LRRK2: variants seen among roughly 807,000 people sequenced by gnomAD.
LRRK2 encodes leucine rich repeat kinase 2.
LRRK2 carries 203 observed loss-of-function variants against 302.6 expected under a neutral mutation model. The ratio of observed to expected loss-of-function variants is 0.67; its 90% CI spans 0.60 to 0.75. The LOEUF is 0.75. Ranked by LOEUF, LRRK2 falls within the 30% of genes least tolerant of loss-of-function variation. LRRK2 has a pLI of 0.00. For synonymous variants in LRRK2, 1,066 were observed against 1,031.9 expected, an observed-to-expected ratio of 1.03 and a Z score of -0.63; for missense variants, 2,830 against 2,951.0, an observed-to-expected ratio of 0.96 and a Z score of 0.95.
intron 41 of LRRK2, among the ~76,000 whole-genome samples, chr12:40,341,122 A>G (rs1027777372): frequency 6.6e-6 from 1 of 152,200 alleles, no homozygotes; most frequent in Non-Finnish European, 1.5e-5. Flanking sequence ...TGCTCTGTAC[A>G]GACATGTTGT....
At chr12:40,349,668 G>A (rs1946296996) in intron 43 of LRRK2, among the ~76,000 whole-genome samples, 1 of 150,496 alleles carries the variant, frequency 6.6e-6, no homozygotes, top group Non-Finnish European at 1.5e-5. Flanking sequence ...TGTGCCACCA[G>A]ACCTGGTTAA....
At chr12:40,355,244 G>C (rs976206226) in intron 45 of LRRK2, among the ~76,000 whole-genome samples, 1 of 152,168 alleles carries the variant, frequency 6.6e-6, no homozygotes, top group African/African-American at 2.4e-5. Context: ...AATTTCAATG[G>C]ATGGAATTGG....
intron 38 of LRRK2, 39 bp from the exon 39 acceptor site, chr12:40,328,321 A>G (rs199888703): frequency 1.6e-4 from 243 of 1,523,868 alleles, no homozygotes; most frequent in Non-Finnish European, 2.1e-4. Context: ...TTTCGCTTGG[A>G]CAGCTTAATT....
chr12:40,340,236 C>G, intron 40 of LRRK2, 58 bp from the exon 41 acceptor site: 1 of 1,570,876 alleles, frequency 6.4e-7, no homozygotes, highest in African/African-American at 1.4e-5. Flanking sequence ...GAAATTAGGA[C>G]AAAAATTATT....
At chr12:40,230,508 A>G (rs11175658) in intron 2 of LRRK2, among the ~76,000 whole-genome samples, 14,678 of 152,192 alleles carry the variant, frequency 0.096, 783 homozygotes, top group South Asian at 0.14. Context: ...TTCTTATACA[A>G]TCTGGCTTAA....
intron 13 of LRRK2, among the ~76,000 whole-genome samples, chr12:40,261,595 T>A (rs1202669630): frequency 6.6e-6 from 1 of 152,156 alleles, no homozygotes; most frequent in Non-Finnish European, 1.5e-5. Flanking sequence ...CACCATACTG[T>A]ACTGTACCCA....
chr12:40,345,622 CAA>C (rs144415226), intron 41 of LRRK2, among the ~76,000 whole-genome samples: 15 of 67,504 alleles, frequency 2.2e-4, no homozygotes, highest in African/African-American at 8.2e-4. Context: ...GACTCCATCT[CAA>C]AAAAAAAAAA....
intron 2 of LRRK2, among the ~76,000 whole-genome samples, chr12:40,229,340 A>G (rs1158441745): frequency 6.6e-6 from 1 of 152,182 alleles, no homozygotes; most frequent in African/African-American, 2.4e-5. Context: ...TATTTAAAAT[A>G]AAGATTAAGG....
In LRRK2 at chr12:40,361,827, G is replaced by A. The variant is rs1946717541; in HGVS notation, c.7029-1575G>A. Among the ~76,000 whole-genome samples, 3 of 151,978 alleles carry A rather than the reference G, an allele frequency of 2.0e-5. No homozygotes were observed. In the South Asian group the frequency reaches 6.2e-4, roughly 32 times the overall value. On this transcript the variant is annotated intron_variant, in intron 47 of 50. Transcript: ENST00000298910. ...AAAACAGACATCACATCACTAATCA[G>A]GGGTTGCCTCATCATCAGTACCCTC...
At position 40,363,541 on chromosome 12, in the gene LRRK2, G is replaced by T. The variant is rs79546190; in HGVS notation, c.7168G>T (p.Val2390Leu). Reference sequence around the variant, plus strand: ...AAAACTCTGTGGACTAATAGACTGCGTGCACTTTTTAAGGTAAATTCTGTG... The same window carrying T: ...AAAACTCTGTGGACTAATAGACTGCTTGCACTTTTTAAGGTAAATTCTGTG... ...TEKLCGLIDCVHFLREVMVKE... is the reference protein window; with the variant it reads ...TEKLCGLIDCLHFLREVMVKE... Residue 2390 changes from valine to leucine, a missense_variant, in exon 48 of 51, where the codon GTG (valine) becomes TTG (leucine). Val to Leu is a conservative substitution (Grantham distance 32). Transcript: ENST00000298910. The T allele has an allele frequency of 6.2e-7, 1 of 1,611,348 alleles. No homozygotes were observed. The highest frequency in any genetic ancestry group is 1.1e-5 in the South Asian group (1 of 91,048).
intron 23 of LRRK2, among the ~76,000 whole-genome samples, chr12:40,297,622 G>C (rs1229502134): frequency 6.6e-6 from 1 of 152,098 alleles, no homozygotes; most frequent in Non-Finnish European, 1.5e-5. Flanking sequence ...CCATAGAGAA[G>C]TGATTGATTT....
At chr12:40,348,627 T>C in intron 43 of LRRK2, 118 bp downstream of exon 43, 1 of 749,884 alleles carries the variant, frequency 1.3e-6, no homozygotes, top group Non-Finnish European at 2.2e-6. Context: ...GAATTAAAAA[T>C]AGTTATAAGG....
At position 40,237,966 on chromosome 12, in the gene LRRK2, T is replaced by C. The variant is rs958836785; in HGVS notation, c.437-3T>C. 3.7e-6 allele frequency: 6 copies of C among 1,609,892 alleles called. No individual in the cohort carries two copies. The African/African-American group carries it at 6.7e-5, about 18-fold the overall frequency. On this transcript the variant is annotated splice_polypyrimidine_tract_variant and splice_region_variant and intron_variant, in intron 4 of 50. Coordinates refer to ENST00000298910, the MANE Select transcript of LRRK2 (RefSeq NM_198578.4). The stretch of plus-strand genomic sequence containing the variant: ...TCAGAGCATATTATTCTCTTTAAAA[T>C]AGGTAAAATCACCTTGCTGATATTG...
intron 33 of LRRK2, chr12:40,316,438 C>A: frequency 1.7e-6 from 1 of 597,036 alleles, no homozygotes; most frequent in Non-Finnish European, 2.1e-6. Flanking sequence ...CAGCCTTCTG[C>A]ACATATGTCA....
intron 41 of LRRK2, among the ~76,000 whole-genome samples, chr12:40,343,237 T>C (rs904160722): frequency 7.3e-6 from 1 of 136,198 alleles, no homozygotes; most frequent in Non-Finnish European, 1.6e-5. Flanking sequence ...TTTAAATAAC[T>C]TGGAGAGTTT....
In LRRK2 at chr12:40,263,875, A is replaced by G. The variant is rs79996249; in HGVS notation, c.1630A>G (p.Lys544Glu). 6.8e-6 allele frequency: 11 copies of G among 1,612,188 alleles called. No individual in the cohort carries two copies. The highest frequency in any genetic ancestry group is 3.3e-5 in the Admixed American group (2 of 59,978). Residue 544 changes from lysine (K) to glutamate (E), a missense_variant, in exon 14 of 51, where the codon AAA becomes GAA. Transcript: ENST00000298910. ...ACAGTGTTTCAAGAATGATATTCAC[A>G]AACTGGTCCTAGCAGCTTTGAACAG... ...KKQCFKNDIH[K>E]LVLAALNRFI... is the part of the protein sequence containing the mutation.
intron 22 of LRRK2, 27 bp downstream of exon 22, chr12:40,294,941 A>G: frequency 7.4e-7 from 1 of 1,355,590 alleles, no homozygotes; most frequent in East Asian, 2.3e-5. Flanking sequence ...AATCATAAGT[A>G]AATAGATATT....
intron 46 of LRRK2, among the ~76,000 whole-genome samples, chr12:40,356,493 GAA>G (rs34073451): frequency 6.6e-6 from 1 of 151,856 alleles, no homozygotes. Flanking sequence ...ATATATTGTG[GAA>G]AAAAAACAAA....
At chr12:40,248,896 G>A (rs1433604238) in intron 7 of LRRK2, among the ~76,000 whole-genome samples, 1 of 152,218 alleles carries the variant, frequency 6.6e-6, no homozygotes, top group East Asian at 1.9e-4. Context: ...ACTAAGGGCT[G>A]TGGAGAATTT....
Sources: gnomAD v4.1 joint callset for allele counts (sites outside exome capture counted in the v4.1 genomes callset) on GRCh38, gnomAD v4.1.1 for gene constraint, MANE v1.5 for transcripts, NCBI Gene and HGNC (gene_info 2026-07-23, HGNC 2026-07-21) for gene names.